MYH3: variants seen among roughly 807,000 people sequenced by gnomAD.
The protein encoded by MYH3 is myosin heavy chain 3.
Under a neutral mutation model 238.0 loss-of-function variants are expected in MYH3, and 130 were observed. The observed-to-expected ratio is 0.55, with a 90% CI of 0.47 to 0.63. The LOEUF (loss-of-function observed/expected upper bound fraction) is 0.63. Ranked by LOEUF, MYH3 falls within the 30% of genes least tolerant of loss-of-function variation. MYH3 has a pLI of 0.00. For synonymous variants in MYH3, 880 were observed against 924.1 expected (o/e 0.95, Z 0.86); for missense variants, 1,853 against 2,374.9 (o/e 0.78, Z 4.57).
At chr17:10,646,533 G>A (rs1271668896) in intron 10 of MYH3, among the ~76,000 whole-genome samples, 1 of 152,162 alleles carries the variant, frequency 6.6e-6, no homozygotes, top group Non-Finnish European at 1.5e-5. Flanking sequence ...CAGTGCCTCC[G>A]TGGGCTTGAT....
chr17:10,628,833 A>G (rs1335933275), intron 40 of MYH3, among the ~76,000 whole-genome samples, 154 bp from the exon 41 acceptor site: 1 of 152,138 alleles, frequency 6.6e-6, no homozygotes, highest in African/African-American at 2.4e-5. Flanking sequence ...GCACACATGA[A>G]GTCACCCCAT....
chr17:10,670,048 G>A, the MYH3 span, among the ~76,000 whole-genome samples: 2 of 152,174 alleles, frequency 1.3e-5, no homozygotes, highest in Non-Finnish European at 1.5e-5. The surrounding 1 kb of genome is among the most constrained non-coding windows in gnomAD (Gnocchi z 7.0). Flanking sequence ...GTTGAAGGTG[G>A]GGAGGCAGAG....
At chr17:10,641,744 G>T (rs2074275019) in intron 17 of MYH3, among the ~76,000 whole-genome samples, 1 of 152,110 alleles carries the variant, frequency 6.6e-6, no homozygotes, top group Non-Finnish European at 1.5e-5. Context: ...TCGATCTTCT[G>T]ACCTTGTGAT....
intron 3 of MYH3, among the ~76,000 whole-genome samples, chr17:10,653,444 C>A (rs1171632626): frequency 6.6e-6 from 1 of 152,186 alleles, no homozygotes; most frequent in East Asian, 1.9e-4. Flanking sequence ...CCAGCCCCAG[C>A]ATGCTCAGGA....
At chr17:10,633,884 G>C (rs1048299702) in intron 32 of MYH3, 133 bp downstream of exon 32, 5 of 1,471,368 alleles carry the variant, frequency 3.4e-6, no homozygotes, top group Non-Finnish European at 4.7e-6. Context: ...CCGTCAGATG[G>C]TGAACACTTT....
the MYH3 span, chr17:10,678,202 C>T: frequency 6.6e-6 from 1 of 152,226 alleles, no homozygotes; most frequent in Admixed American, 6.5e-5. Context: ...CATACGGAAC[C>T]TCCGTTTTGG....
chr17:10,651,713 A>T (rs777114967), intron 4 of MYH3, 45 bp from the exon 5 acceptor site: 9 of 1,599,046 alleles, frequency 5.6e-6, no homozygotes, highest in Non-Finnish European at 7.7e-6. Flanking sequence ...ATGTATGTGC[A>T]TATGGAAAAC....
chr17:10,635,543 G>A lies in MYH3; in HGVS notation c.3996C>T (p.His1332=), dbSNP rs200128580. The change falls in exon 30 of 41, where the codon CAC becomes CAT. Residue 1332 remains histidine, a synonymous_variant. Coordinates refer to ENST00000583535, the MANE Select transcript of MYH3 (RefSeq NM_002470.4). ...AGTCGTGGCGGGAGGACTGCAGGGC[G>A]TGCGCCAGGGCGTTCTTGGCCTGCA... ...EENKAKNALA[H]ALQSSRHDCD... 9.2e-5 allele frequency: 148 copies of A among 1,614,130 alleles called. No homozygotes were observed. The highest frequency in any genetic ancestry group is 1.2e-4 in the Non-Finnish European group (144 of 1,180,058).
In MYH3 at chr17:10,638,037, C is replaced by T. The variant is rs766506534; in HGVS notation, c.3729+6G>A. ...AGCCTTGAGCCACCCCCACCCCGCG[C>T]AGCACCTTAGATTTCGACACACTCT... On this transcript the variant is annotated splice_donor_region_variant and intron_variant, in intron 27 of 40. Transcript: ENST00000583535. The T allele has an allele frequency of 6.2e-7, 1 of 1,614,022 alleles. No homozygotes were observed. Among genetic ancestry groups the T allele is most frequent in the South Asian group, 1.1e-5 (1 of 91,072 alleles).
chr17:10,660,182 C>A (rs557173409), upstream of MYH3, among the ~76,000 whole-genome samples: 2 of 152,326 alleles, frequency 1.3e-5, no homozygotes, highest in South Asian at 2.1e-4. Flanking sequence ...GTGCATTCAG[C>A]GGGATATCCC....
chr17:10,655,714 C>T (rs993554997), intron 2 of MYH3, among the ~76,000 whole-genome samples: 5 of 151,908 alleles, frequency 3.3e-5, no homozygotes, highest in Non-Finnish European at 7.4e-5. Flanking sequence ...TGCAGTGGCA[C>T]GATCTCCACT....
chr17:10,661,289 T>TAA (rs34393718), upstream of MYH3, among the ~76,000 whole-genome samples: 819 of 49,672 alleles, frequency 0.016, 14 homozygotes, highest in Non-Finnish European at 0.024. Flanking sequence ...AGACTCCATC[T>TAA]AAAAAAAAAA....
chr17:10,666,183 G>A, the MYH3 span, among the ~76,000 whole-genome samples: 1 of 152,252 alleles, frequency 6.6e-6, no homozygotes, highest in East Asian at 1.9e-4. Flanking sequence ...ATCTGGAAAT[G>A]GGGAAGGCCC....
chr17:10,632,042 A>G (rs1597481565), intron 34 of MYH3, 26 bp from the exon 35 acceptor site: 1 of 1,610,562 alleles, frequency 6.2e-7, no homozygotes, highest in Non-Finnish European at 8.5e-7. Context: ...CGAACATTCT[A>G]TTTGAAGTTG....
rs2074132358 is a variant in MYH3, at chr17:10,629,604, G to A, written c.5789C>T (p.Ser1930Phe). The change falls in exon 40 of 41, where the codon TCC becomes TTC. Residue 1930 changes from serine to phenylalanine, a missense_variant. Coordinates refer to ENST00000583535, the MANE Select transcript of MYH3 (RefSeq NM_002470.4). ...KLRAKTRDFT[S>F]SRMVVHESEE Reference sequence around the variant, plus strand: ...CCCAGCTCAGCGACTCACCCTGCTGGAGGTGAAGTCTCGAGTCTTAGCGCG... The same window carrying A: ...CCCAGCTCAGCGACTCACCCTGCTGAAGGTGAAGTCTCGAGTCTTAGCGCG... 6.2e-7 allele frequency: 1 copy of A among 1,613,310 alleles called. No individual in the cohort carries two copies. The highest frequency in any genetic ancestry group is 1.3e-5 in the African/African-American group (1 of 75,026).
chr17:10,641,096 A>G lies in MYH3; in HGVS notation c.2154T>C (p.Asp718=). 1 of 1,605,692 alleles carries G rather than the reference A, an allele frequency of 6.2e-7. No homozygotes were observed. Among genetic ancestry groups the G allele is most frequent in the Non-Finnish European group, 8.5e-7 (1 of 1,173,358 alleles). ...TGTTTATTACACACCTTTGTTTAAAATCGCCATAGAGAATCCTGTTTGGGA... is the reference window on the plus strand; with the variant it reads ...TGTTTATTACACACCTTTGTTTAAAGTCGCCATAGAGAATCCTGTTTGGGA... ...KGFPNRILYG[D]FKQRYRVLNA... The change falls in exon 19 of 41, where the codon GAT becomes GAC. Residue 718 remains aspartate (D), a synonymous_variant. Coordinates refer to ENST00000583535, the MANE Select transcript of MYH3 (RefSeq NM_002470.4).
chr17:10,668,805 C>A, the MYH3 span, among the ~76,000 whole-genome samples: 10 of 152,034 alleles, frequency 6.6e-5, no homozygotes. Flanking sequence ...TTTTCTTTTA[C>A]CACAAGTGAG....
chr17:10,630,429 C>T lies in MYH3; in HGVS notation c.5316G>A (p.Lys1772=), dbSNP rs2074144188. ...DAAMMAEELK[K]EQDTSAHLER... is the part of the protein sequence containing the mutation. ...CAAGGTGGGCGCTGGTGTCCTGCTC[C>T]TTCTTCAGCTCCTCCGCCATCATGG... The change falls in exon 37 of 41, where the codon AAG becomes AAA. Residue 1772 remains lysine (K), a synonymous_variant. Coordinates refer to ENST00000583535, the MANE Select transcript of MYH3 (RefSeq NM_002470.4). The T allele has an allele frequency of 9.9e-6, 16 of 1,614,060 alleles. No individual in the cohort carries two copies. In the East Asian group the frequency reaches 1.1e-4, roughly 11 times the overall value.
At chr17:10,650,121 G>A (rs1480159052) in intron 6 of MYH3, among the ~76,000 whole-genome samples, 2 of 151,998 alleles carry the variant, frequency 1.3e-5, no homozygotes, top group Admixed American at 6.6e-5. Flanking sequence ...ACAGGTGCCC[G>A]CCACCACACC....
Sources: allele counts gnomAD v4.1 joint callset (sites outside exome capture counted in the v4.1 genomes callset), GRCh38; gene constraint gnomAD v4.1.1; non-coding constraint Gnocchi (gnomAD v3.1); transcripts MANE v1.5; gene names NCBI Gene and HGNC (gene_info 2026-07-23, HGNC 2026-07-21).